Variants in HTR3B observed in about 807,000 individuals in gnomAD.
The protein encoded by HTR3B is 5-hydroxytryptamine receptor 3B, also known as 5-hydroxytryptamine (serotonin) receptor 3B, ionotropic.
HTR3B carries 44 observed loss-of-function variants against 42.8 expected under a neutral mutation model. That is an observed-to-expected ratio of 1.03 (90% CI 0.81 to 1.32). The LOEUF (loss-of-function observed/expected upper bound fraction) is 1.32, where lower values mean the gene tolerates loss of function less well. Ranked by LOEUF, HTR3B falls within the 40% of genes most tolerant of loss-of-function variation. The pLI, the probability that HTR3B is intolerant of heterozygous loss-of-function variation, is 0.00. For missense variants in HTR3B, 527 were observed against 536.5 expected, an observed-to-expected ratio of 0.98 and a Z score of 0.17; for synonymous variants, 203 against 209.0, an observed-to-expected ratio of 0.97 and a Z score of 0.25.
chr11:113,925,394 C>T (rs1406760325), intron 2 of HTR3B, among the ~76,000 whole-genome samples: 1 of 145,790 alleles, frequency 6.9e-6, no homozygotes, highest in African/African-American at 2.5e-5. Flanking sequence ...CCTAAATCAG[C>T]AAAGGAAATG....
intron 1 of HTR3B, among the ~76,000 whole-genome samples, chr11:113,906,226 T>C (rs1949732613): frequency 6.6e-6 from 1 of 152,204 alleles, no homozygotes; most frequent in Admixed American, 6.5e-5. Flanking sequence ...TGTACTGGGT[T>C]TTACTATGTT....
At chr11:113,905,685 G>T (rs541598198) in intron 1 of HTR3B, among the ~76,000 whole-genome samples, 6 of 151,970 alleles carry the variant, frequency 3.9e-5, no homozygotes, top group Non-Finnish European at 8.8e-5. Flanking sequence ...TAGTACATGC[G>T]CACAAATCAA....
At chr11:113,934,042 C>G (rs563539144) in intron 6 of HTR3B, among the ~76,000 whole-genome samples, 1 of 152,156 alleles carries the variant, frequency 6.6e-6, no homozygotes, top group Non-Finnish European at 1.5e-5. Context: ...AAAACTTAGA[C>G]TAGACTAAGG....
At chr11:113,935,355 G>C (rs1038902636) in intron 6 of HTR3B, among the ~76,000 whole-genome samples, 21 of 145,906 alleles carry the variant, frequency 1.4e-4, no homozygotes, top group Middle Eastern at 3.4e-3. Flanking sequence ...ACTTTTCCAT[G>C]GGTCCTTTTG....
chr11:113,904,843 C>A lies in HTR3B; in HGVS notation c.-91C>A. 1.0e-6 allele frequency: 1 copy of A among 993,658 alleles called. No homozygotes were observed. The allele number at this position is 993,658 out of a possible 1,614,324, so 61.6% of individuals were successfully genotyped here. A position where few individuals can be genotyped will look rare whatever the true frequency, so the allele number is the denominator to read the frequency against. ...ACTGGCAAACGGAGAAGGAGGAGAACAGAGTGGAGAGGAACCCTGTTAGGA... is the reference window on the plus strand; with the variant it reads ...ACTGGCAAACGGAGAAGGAGGAGAAAAGAGTGGAGAGGAACCCTGTTAGGA... On this transcript the variant is annotated 5_prime_UTR_variant, in exon 1 of 9. Coordinates refer to ENST00000260191, the MANE Select transcript of HTR3B (RefSeq NM_006028.5).
chr11:113,914,786 T>A (rs1369267713), intron 2 of HTR3B, among the ~76,000 whole-genome samples: 3 of 152,204 alleles, frequency 2.0e-5, no homozygotes. Flanking sequence ...TGAGAATTGT[T>A]TCCTTCTCAG....
rs1949758855 is a variant in HTR3B, at chr11:113,909,237, T to C, written c.53-58T>C. 7.9e-6 allele frequency: 11 copies of C among 1,386,676 alleles called. No individual in the cohort carries two copies. In the East Asian group the frequency reaches 2.3e-4, roughly 29 times the overall value. 85.9% of individuals were successfully genotyped at this position (1,386,676 alleles called of 1,614,324 possible). On this transcript the variant is annotated intron_variant, in intron 1 of 8. Coordinates refer to ENST00000260191, the MANE Select transcript of HTR3B (RefSeq NM_006028.5). The stretch of plus-strand genomic sequence containing the variant: ...ACCGAGTCCTGAACAGTCTGAAACC[T>C]CCTAAAGAAACCAAGCTCCTCTTAC...
chr11:113,930,229 AT>A (rs1277712642), intron 2 of HTR3B, among the ~76,000 whole-genome samples: 9 of 151,816 alleles, frequency 5.9e-5, no homozygotes, highest in South Asian at 2.1e-4. Flanking sequence ...AGTCTCATTT[AT>A]TTTTCTTTTG....
upstream of HTR3B, among the ~76,000 whole-genome samples, chr11:113,900,261 A>T (rs993148373): frequency 1.3e-5 from 2 of 152,128 alleles, no homozygotes; most frequent in African/African-American, 4.8e-5. Context: ...CCATCTCAAA[A>T]AAAAGAAAGA....
rs2137543900 is a variant in HTR3B, at chr11:113,946,367, AATAAATAAAT to A, written c.*232_*241del. 1 of 245,052 alleles carries A rather than the reference AATAAATAAAT, an allele frequency of 4.1e-6. No homozygotes were observed. Among genetic ancestry groups the A allele is most frequent in the East Asian group, 8.5e-5 (1 of 11,696 alleles). The allele number at this position is 245,052 out of a possible 1,614,324, so 15.2% of individuals were successfully genotyped here. Reference sequence around the variant, plus strand: ...AAATAAATAAATAAATAAATAAATAAATAAATAAATAAATAGCTGGGCATAGTGGCTCATG... The same window carrying A: ...AAATAAATAAATAAATAAATAAATAAAAATAGCTGGGCATAGTGGCTCATG... On this transcript the variant is annotated 3_prime_UTR_variant, in exon 9 of 9. Transcript: ENST00000260191.
chr11:113,934,718 T>C (rs1182654879), intron 6 of HTR3B, among the ~76,000 whole-genome samples: 1 of 149,766 alleles, frequency 6.7e-6, no homozygotes, highest in African/African-American at 2.4e-5. Flanking sequence ...GGCCTGTTTG[T>C]CCACTTTTCT....
At position 113,948,222 on chromosome 11, in the gene HTR3B, G is replaced by A. The variant is rs1278958508; in HGVS notation, c.*2085G>A. Reference sequence around the variant, plus strand: ...TCCTCTGCTTTGACGTGCTCAGTTAGGCATCACGGTCCTGATGTCACCTTA... The same window carrying A: ...TCCTCTGCTTTGACGTGCTCAGTTAAGCATCACGGTCCTGATGTCACCTTA... On this transcript the variant is annotated 3_prime_UTR_variant, in exon 9 of 9. Transcript: ENST00000260191. Among the ~76,000 whole-genome samples the A allele has an allele frequency of 2.0e-5, 3 of 152,160 alleles. No individual in the cohort carries two copies. Among genetic ancestry groups the A allele is most frequent in the African/African-American group, 4.8e-5 (2 of 41,434 alleles).
rs910442864 is a variant in HTR3B at position 113,946,797 on chromosome 11, C to G, written c.*660C>G. Among the ~76,000 whole-genome samples the G allele has an allele frequency of 1.3e-5, 2 of 152,192 alleles. No homozygotes were observed. The highest frequency in any genetic ancestry group is 2.9e-5 in the Non-Finnish European group (2 of 68,034). On this transcript the variant is annotated 3_prime_UTR_variant, in exon 9 of 9. Transcript: ENST00000260191. The stretch of plus-strand genomic sequence containing the variant: ...CAGTTTTTTAAAAAGTGTAAGATAG[C>G]TCCATCTTCCAGCCCTGCCTTGGCC...
chr11:113,945,060 C>T (rs1443509382), intron 8 of HTR3B, among the ~76,000 whole-genome samples: 2 of 152,198 alleles, frequency 1.3e-5, no homozygotes, highest in South Asian at 2.1e-4. Context: ...CCTCCTTTGC[C>T]TCCCAAAGTG....
At chr11:113,912,301 T>C (rs1949802986) in intron 2 of HTR3B, among the ~76,000 whole-genome samples, 1 of 152,186 alleles carries the variant, frequency 6.6e-6, no homozygotes, top group Non-Finnish European at 1.5e-5. Flanking sequence ...CGGAGTGCAG[T>C]GGCACGATCT....
intron 2 of HTR3B, among the ~76,000 whole-genome samples, chr11:113,929,283 A>C (rs1250418023): frequency 1.3e-5 from 2 of 152,190 alleles, no homozygotes; most frequent in Non-Finnish European, 2.9e-5. Context: ...TGATTGTATT[A>C]GGAAGTTTGG....
At chr11:113,899,722 G>A in the HTR3B span, among the ~76,000 whole-genome samples, 2 of 152,178 alleles carry the variant, frequency 1.3e-5, no homozygotes, top group African/African-American at 4.8e-5. Context: ...TATTATGTTT[G>A]CATAATAAAC....
chr11:113,903,485 A>G (rs1040689912), upstream of HTR3B, among the ~76,000 whole-genome samples: 1 of 136,422 alleles, frequency 7.3e-6, no homozygotes, highest in Non-Finnish European at 1.5e-5. Flanking sequence ...GCTGGAGTGC[A>G]GTGGCGCGAT....
chr11:113,941,757 C>T (rs1300733499), intron 6 of HTR3B, among the ~76,000 whole-genome samples: 1 of 152,246 alleles, frequency 6.6e-6, no homozygotes, highest in East Asian at 1.9e-4. Context: ...GTGGAGTCAA[C>T]ACCAGGCAGG....
Sources: gnomAD v4.1 joint callset for allele counts (sites outside exome capture counted in the v4.1 genomes callset) on GRCh38, gnomAD v4.1.1 for gene constraint, MANE v1.5 for transcripts, NCBI Gene and HGNC (gene_info 2026-07-23, HGNC 2026-07-21) for gene names.